VPS35L: variants seen among roughly 807,000 people sequenced by gnomAD.
VPS35L encodes VPS35 endosomal protein-sorting factor-like.
Under a neutral mutation model 133.0 loss-of-function variants are expected in VPS35L, and 83 were observed. The observed-to-expected ratio is 0.62, with a 90% CI of 0.52 to 0.75. The LOEUF is 0.75. VPS35L is among the 30% of genes least tolerant of loss of function. The pLI, the probability that VPS35L is intolerant of heterozygous loss-of-function variation, is 0.00. For synonymous variants in VPS35L, 423 were observed against 449.9 expected (o/e 0.94, Z 0.76); for missense variants, 1,083 against 1,206.8 (o/e 0.90, Z 1.52).
chr16:19,591,654 C>T (rs548735981), intron 7 of VPS35L, 136 bp from the exon 8 acceptor site: 86 of 615,458 alleles, frequency 1.4e-4, no homozygotes, highest in Admixed American at 1.9e-4. Flanking sequence ...ATTGTATGCT[C>T]AGCACCTCGC....
chr16:19,665,570 C>A (rs1234029536), intron 26 of VPS35L, among the ~76,000 whole-genome samples: 1 of 152,152 alleles, frequency 6.6e-6, no homozygotes, highest in African/African-American at 2.4e-5. Flanking sequence ...TTTCTTTATC[C>A]GTTTGTCTGT....
At chr16:19,676,525 T>C (rs372343254) in intron 27 of VPS35L, among the ~76,000 whole-genome samples, 5 of 152,330 alleles carry the variant, frequency 3.3e-5, no homozygotes, top group African/African-American at 1.2e-4. Flanking sequence ...CAAAGTAGAC[T>C]TGACTGAACA....
At chr16:19,621,769 TC>T (rs1313221015) in intron 14 of VPS35L, among the ~76,000 whole-genome samples, 1 of 152,248 alleles carries the variant, frequency 6.6e-6, no homozygotes, top group East Asian at 1.9e-4. Context: ...ATTCCCAAGT[TC>T]CTTTATGACA....
intron 7 of VPS35L, among the ~76,000 whole-genome samples, chr16:19,584,040 T>A (rs1051225392): frequency 1.3e-5 from 2 of 152,084 alleles, no homozygotes; most frequent in Non-Finnish European, 2.9e-5. Flanking sequence ...TTACAGAGTT[T>A]CATTTTTTTA....
At position 19,682,393 on chromosome 16, in the gene VPS35L, A is replaced by T; in HGVS notation, c.2527+3A>T. 6.2e-7 allele frequency: 1 copy of T among 1,613,548 alleles called. No individual in the cohort carries two copies. Among genetic ancestry groups the T allele is most frequent in the Non-Finnish European group, 8.5e-7 (1 of 1,179,606 alleles). On this transcript the variant is annotated splice_donor_region_variant and intron_variant, in intron 28 of 30. Coordinates refer to ENST00000417362, the MANE Select transcript of VPS35L (RefSeq NM_020314.7). ...GTACCTTTACCACATAGACAAAGGT[A>T]GCAGAGCCTCCCCCACCAAACCATG...
At chr16:19,626,030 C>A (rs1267460311) in intron 14 of VPS35L, 147 bp from the exon 15 acceptor site, 12 of 554,304 alleles carry the variant, frequency 2.2e-5, no homozygotes, top group Non-Finnish European at 3.5e-5. Flanking sequence ...TCTCCCCAAG[C>A]CTCCCCATCC....
At chr16:19,698,998 T>C (rs1254707747) in intron 29 of VPS35L, among the ~76,000 whole-genome samples, 4 of 152,186 alleles carry the variant, frequency 2.6e-5, no homozygotes, top group Non-Finnish European at 5.9e-5. Context: ...TGTCAGCGTG[T>C]AAAGGCTGGA....
In VPS35L at chr16:19,699,712, A is replaced by C. The variant is rs1976046918; in HGVS notation, c.2793+64A>C. On this transcript the variant is annotated intron_variant, in intron 30 of 30. Transcript: ENST00000417362. The surrounding 1 kb of genome is among the most constrained non-coding windows in gnomAD (Gnocchi z 4.2). ...GCCAGTGCACAACCACCCTCAACACAGCATTGTGGCCTGGACATCAGACAG... is the reference window on the plus strand; with the variant it reads ...GCCAGTGCACAACCACCCTCAACACCGCATTGTGGCCTGGACATCAGACAG... 1 of 1,591,984 alleles carries C rather than the reference A, an allele frequency of 6.3e-7. No homozygotes were observed. The highest frequency in any genetic ancestry group is 1.1e-5 in the South Asian group (1 of 90,440).
chr16:19,615,203 T>G (rs1972845891), intron 12 of VPS35L, among the ~76,000 whole-genome samples: 1 of 152,234 alleles, frequency 6.6e-6, no homozygotes, highest in African/African-American at 2.4e-5. Flanking sequence ...TACATTCCTT[T>G]TTAGTTCTGT....
chr16:19,607,474 A>T (rs937479181), intron 9 of VPS35L, among the ~76,000 whole-genome samples: 5 of 152,252 alleles, frequency 3.3e-5, no homozygotes, highest in African/African-American at 1.2e-4. Context: ...AGCTGCAAGG[A>T]TGGCCCTGTG....
At chr16:19,652,344 A>G (rs894816544) in intron 26 of VPS35L, 11 of 323,570 alleles carry the variant, frequency 3.4e-5, no homozygotes, top group African/African-American at 6.5e-5. Context: ...TTTTATTTTT[A>G]TTTTTTATAG....
chr16:19,624,522 T>A (rs1164966448), intron 14 of VPS35L, among the ~76,000 whole-genome samples: 1 of 151,458 alleles, frequency 6.6e-6, no homozygotes, highest in Non-Finnish European at 1.5e-5. Context: ...GAGGCGGAGG[T>A]TCTGGTGAGC....
intron 27 of VPS35L, among the ~76,000 whole-genome samples, chr16:19,678,509 G>A (rs993974177): frequency 2.7e-5 from 4 of 148,060 alleles, no homozygotes; most frequent in East Asian, 2.0e-4. Context: ...GAGGAGTCTC[G>A]CTCTGTTGCC....
intron 26 of VPS35L, among the ~76,000 whole-genome samples, chr16:19,667,151 A>G (rs1396738398): frequency 2.6e-5 from 4 of 151,906 alleles, no homozygotes; most frequent in Non-Finnish European, 1.5e-5. Flanking sequence ...TTTAGTACAG[A>G]CAGGGTTTCA....
chr16:19,590,110 A>G (rs1597335543), intron 7 of VPS35L, among the ~76,000 whole-genome samples: 1 of 134,586 alleles, frequency 7.4e-6, no homozygotes. Context: ...TGTCAGCACT[A>G]TTGTTTTTAC....
rs369150913 is a variant in VPS35L, at chr16:19,642,448, G to A, written c.1837G>A (p.Val613Ile). Residue 613 changes from valine (V) to isoleucine (I), a missense_variant, in exon 22 of 31, where the codon GTT (valine) becomes ATT (isoleucine). By Grantham distance (29) the Val-to-Ile change is conservative (BLOSUM62 3). Transcript: ENST00000417362. ...GGTCATCTTGAATGCCCTTTTGCAT[G>A]TTTGCAAGACCATGCATGACTCTGT... is the stretch of plus-strand genomic sequence containing the variant. ...DPVILNALLH[V>I]CKTMHDSVNA... 1 of 1,613,920 alleles carries A rather than the reference G, an allele frequency of 6.2e-7. No homozygotes were observed. Among genetic ancestry groups the A allele is most frequent in the Non-Finnish European group, 8.5e-7 (1 of 1,179,880 alleles).
chr16:19,581,944 T>TA (rs1344979599), intron 7 of VPS35L: 15 of 338,344 alleles, frequency 4.4e-5, no homozygotes, highest in Non-Finnish European at 7.6e-5. Flanking sequence ...TGCAGTACAT[T>TA]AACCATGGTG....
At chr16:19,626,054 A>G (rs1443017756) in intron 14 of VPS35L, 123 bp from the exon 15 acceptor site, 1 of 626,280 alleles carries the variant, frequency 1.6e-6, no homozygotes, top group African/African-American at 1.9e-5. Flanking sequence ...CCAGACACTG[A>G]GAATTATCTT....
At chr16:19,581,742 G>A (rs1248289582) in intron 7 of VPS35L, 89 bp downstream of exon 7, 2 of 1,460,720 alleles carry the variant, frequency 1.4e-6, no homozygotes, top group Non-Finnish European at 9.4e-7. Context: ...CCTACCTGCA[G>A]GGTCTTACTC....
Sources: gnomAD v4.1 joint callset for allele counts (sites outside exome capture counted in the v4.1 genomes callset) on GRCh38, gnomAD v4.1.1 for gene constraint, Gnocchi (gnomAD v3.1) non-coding constraint, MANE v1.5 for transcripts, NCBI Gene and HGNC (gene_info 2026-07-23, HGNC 2026-07-21) for gene names.